Variants in UBA6 observed in about 807,000 individuals in gnomAD.
UBA6 encodes ubiquitin-like modifier-activating enzyme 6.
Under a neutral mutation model 148.3 loss-of-function variants are expected in UBA6, and 87 were observed. The observed-to-expected ratio is 0.59, with a 90% CI of 0.49 to 0.70. The LOEUF is 0.70. UBA6 is among the 30% of genes least tolerant of loss of function. The pLI, the probability that UBA6 is intolerant of heterozygous loss-of-function variation, is 0.00. For missense variants in UBA6, 1,186 were observed against 1,241.2 expected, an observed-to-expected ratio of 0.96 and a Z score of 0.67; for synonymous variants, 376 against 401.0, an observed-to-expected ratio of 0.94 and a Z score of 0.75.
At chr4:67,657,283 T>C (rs988084607) in intron 13 of UBA6, among the ~76,000 whole-genome samples, 7 of 152,174 alleles carry the variant, frequency 4.6e-5, no homozygotes, top group Non-Finnish European at 1.0e-4. Flanking sequence ...CTTCAAATTA[T>C]ACTTTAAGCC....
intron 17 of UBA6, among the ~76,000 whole-genome samples, chr4:67,643,205 TAATAA>T (rs1247681218): frequency 6.6e-6 from 1 of 151,754 alleles, no homozygotes; most frequent in East Asian, 1.9e-4. Flanking sequence ...AGTATAATAA[TAATAA>T]AATAAAATTA....
Position 67,618,975 on chromosome 4 carries a change from A to C in UBA6, c.*22T>G. The C allele has an allele frequency of 6.2e-7, 1 of 1,609,634 alleles. No homozygotes were observed. Among genetic ancestry groups the C allele is most frequent in the Non-Finnish European group, 8.5e-7 (1 of 1,178,508 alleles). On this transcript the variant is annotated 3_prime_UTR_variant, in exon 33 of 33. Transcript: ENST00000322244. ...TCTTTCCAAAATCAAGTGGTCCTGG[A>C]GTAACGTTAAGACAACTTGTATTAA...
chr4:67,675,028 C>A (rs576613346), intron 6 of UBA6, among the ~76,000 whole-genome samples: 1 of 152,276 alleles, frequency 6.6e-6, no homozygotes, highest in East Asian at 1.9e-4. Context: ...TGCCACCATG[C>A]CCAGCTAATT....
intron 13 of UBA6, among the ~76,000 whole-genome samples, chr4:67,652,149 G>A (rs756325323): frequency 6.6e-6 from 1 of 152,078 alleles, no homozygotes; most frequent in Admixed American, 6.5e-5. Context: ...TATTCTTTTT[G>A]TGATTTGATA....
chr4:67,684,992 A>G (rs954883055), intron 2 of UBA6, among the ~76,000 whole-genome samples: 1 of 152,216 alleles, frequency 6.6e-6, no homozygotes, highest in Non-Finnish European at 1.5e-5. Flanking sequence ...GAGTCAATCC[A>G]GGCAGTCTAG....
rs200944667 is a variant in UBA6, at chr4:67,644,686, T to C, written c.1476+12A>G. Reference sequence around the variant, plus strand: ...AATATAAACTTTTAACTCTCAAGAATTGATATCTTACCATTCCTTTCTCTT... The same window carrying C: ...AATATAAACTTTTAACTCTCAAGAACTGATATCTTACCATTCCTTTCTCTT... On this transcript the variant is annotated intron_variant, in intron 17 of 32. Coordinates refer to ENST00000322244, the MANE Select transcript of UBA6 (RefSeq NM_018227.6). 80 of 1,504,370 alleles carry C rather than the reference T, an allele frequency of 5.3e-5. No individual in the cohort carries two copies. In the South Asian group the frequency reaches 8.1e-4, roughly 15 times the overall value. The allele number at this position is 1,504,370 out of a possible 1,614,324, so 93.2% of individuals were successfully genotyped here.
At chr4:67,634,173 AGAT>A in intron 22 of UBA6, 66 bp downstream of exon 22, 1 of 1,052,716 alleles carries the variant, frequency 9.5e-7, no homozygotes, top group East Asian at 2.5e-5. Flanking sequence ...AATCACTTGT[AGAT>A]GACTTGAAAA....
chr4:67,633,910 G>C (rs1334725512), intron 22 of UBA6, among the ~76,000 whole-genome samples: 1 of 151,928 alleles, frequency 6.6e-6, no homozygotes, highest in Non-Finnish European at 1.5e-5. Flanking sequence ...ATTTTAACTA[G>C]AACTTACCTC....
intron 2 of UBA6, among the ~76,000 whole-genome samples, chr4:67,694,683 C>G (rs1201578576): frequency 2.6e-5 from 4 of 152,216 alleles, no homozygotes; most frequent in African/African-American, 9.6e-5. Context: ...AGGCATGAGC[C>G]ACTGTGCCTG....
At chr4:67,700,845 T>C (rs1197389802) in intron 1 of UBA6, among the ~76,000 whole-genome samples, 1 of 152,058 alleles carries the variant, frequency 6.6e-6, no homozygotes, top group Non-Finnish European at 1.5e-5. Flanking sequence ...AAAGGGGACT[T>C]TTCCCTCAGG....
chr4:67,652,564 G>A (rs182276031), intron 13 of UBA6, among the ~76,000 whole-genome samples: 96 of 152,312 alleles, frequency 6.3e-4, no homozygotes, highest in African/African-American at 2.1e-3. Flanking sequence ...GGTCCTCCCA[G>A]ATGGCCGAAT....
intron 26 of UBA6, among the ~76,000 whole-genome samples, 163 bp from the exon 27 acceptor site, chr4:67,629,305 A>G (rs374257324): frequency 7.2e-5 from 11 of 151,914 alleles, no homozygotes; most frequent in African/African-American, 2.4e-4. Flanking sequence ...CTATAAAAAT[A>G]TCCCCCCATA....
chr4:67,639,260 A>T, intron 18 of UBA6, 136 bp from the exon 19 acceptor site: 1 of 612,132 alleles, frequency 1.6e-6, no homozygotes, highest in Non-Finnish European at 2.6e-6. Context: ...TAATGAGACC[A>T]GTTTTCATTT....
At chr4:67,691,832 C>T (rs1730701381) in intron 2 of UBA6, among the ~76,000 whole-genome samples, 1 of 151,888 alleles carries the variant, frequency 6.6e-6, no homozygotes, top group African/African-American at 2.4e-5. Context: ...TGTAACTACA[C>T]CAGCAAGTAT....
intron 2 of UBA6, among the ~76,000 whole-genome samples, chr4:67,692,360 A>G (rs1043454725): frequency 2.0e-5 from 3 of 152,190 alleles, no homozygotes; most frequent in Non-Finnish European, 2.9e-5. Context: ...ATTTATTAGT[A>G]AGGAAGAGAA....
chr4:67,622,751 C>A, intron 32 of UBA6, 80 bp downstream of exon 32: 2 of 964,630 alleles, frequency 2.1e-6, no homozygotes, highest in Non-Finnish European at 1.6e-6. Context: ...ATTATAGTAA[C>A]CTCTATATTT....
chr4:67,665,171 C>T lies in UBA6; in HGVS notation c.897+18G>A, dbSNP rs368610219. On this transcript the variant is annotated intron_variant, in intron 10 of 32. Coordinates refer to ENST00000322244, the MANE Select transcript of UBA6 (RefSeq NM_018227.6). Reference sequence around the variant, plus strand: ...TTCTGTAAAAAAATGTTTTTTAAGCCGAAAAAAAAATACTTACAAAAAAAA... The same window carrying T: ...TTCTGTAAAAAAATGTTTTTTAAGCTGAAAAAAAAATACTTACAAAAAAAA... The T allele has an allele frequency of 2.2e-5, 32 of 1,479,382 alleles. No individual in the cohort carries two copies. Among genetic ancestry groups the T allele is most frequent in the Admixed American group, 4.3e-5 (2 of 46,416 alleles). 91.6% of individuals were successfully genotyped at this position (1,479,382 alleles called of 1,614,324 possible). A position where few individuals can be genotyped will look rare whatever the true frequency, so the allele number is the denominator to read the frequency against.
Position 67,619,160 on chromosome 4 carries a change from T to C in UBA6, c.3024-28A>G, listed in dbSNP as rs199671377. The C allele has an allele frequency of 7.9e-4, 1,221 of 1,551,870 alleles. 1 individual carries two copies. Among genetic ancestry groups the C allele is most frequent in the Non-Finnish European group, 1.0e-3 (1,131 of 1,131,102 alleles). On this transcript the variant is annotated intron_variant, in intron 32 of 32. Transcript: ENST00000322244. ...AAGAAAAATAAGCAAGAATGAATAC[T>C]TTGGTAAATTCTATAAAATGAAAAA...
intron 13 of UBA6, among the ~76,000 whole-genome samples, chr4:67,651,383 T>G (rs1224038224): frequency 6.6e-6 from 1 of 152,162 alleles, no homozygotes; most frequent in East Asian, 1.9e-4. Context: ...TAAGAAACTT[T>G]ACTGAATAAT....
Sources: allele counts gnomAD v4.1 joint callset (sites outside exome capture counted in the v4.1 genomes callset), GRCh38; gene constraint gnomAD v4.1.1; transcripts MANE v1.5; gene names NCBI Gene and HGNC (gene_info 2026-07-23, HGNC 2026-07-21).